FSTL5: variants seen among roughly 807,000 people sequenced by gnomAD.
The protein encoded by FSTL5 is follistatin like 5, also known as follistatin-related protein 5.
A neutral mutation model predicts 89.1 loss-of-function variants in FSTL5; 62 were observed. The ratio of observed to expected loss-of-function variants is 0.70; its 90% CI spans 0.57 to 0.86. The LOEUF (loss-of-function observed/expected upper bound fraction) is 0.86, where lower values mean the gene tolerates loss of function less well. FSTL5 is among the 40% of genes least tolerant of loss of function. The pLI is 0.00. For synonymous variants in FSTL5, 383 were observed against 346.2 expected (o/e 1.11, Z -1.18); for missense variants, 1,057 against 1,001.6 (o/e 1.06, Z -0.75).
intron 1 of FSTL5, among the ~76,000 whole-genome samples, chr4:162,129,597 A>AGCCTTTG (rs1732218628): frequency 1.3e-5 from 2 of 152,228 alleles, no homozygotes; most frequent in Non-Finnish European, 2.9e-5. Flanking sequence ...TAATGGTGAA[A>AGCCTTTG]CTTTCCAAAA....
At position 161,897,170 on chromosome 4, in the gene FSTL5, A is replaced by G. The variant is rs1467936731; in HGVS notation, c.409+23234T>C. 2.0e-5 allele frequency among the ~76,000 whole-genome samples: 3 copies of G among 151,768 alleles called. No homozygotes were observed. In the East Asian group the frequency reaches 5.8e-4, roughly 29 times the overall value. On this transcript the variant is annotated intron_variant, in intron 4 of 15. Coordinates refer to ENST00000306100, the MANE Select transcript of FSTL5 (RefSeq NM_020116.5). ...AATATTCAAAATTAAACTAGATCAT[A>G]CTGTTCATGAAATAAAAAATATTAT...
chr4:161,763,943 C>A (rs1159914934), intron 5 of FSTL5, among the ~76,000 whole-genome samples: 2 of 151,906 alleles, frequency 1.3e-5, no homozygotes, highest in Non-Finnish European at 2.9e-5. Flanking sequence ...TTCTTGTCTC[C>A]CCCCTTTCTT....
chr4:161,787,164 G>A (rs1431223735), intron 4 of FSTL5, among the ~76,000 whole-genome samples: 10 of 151,988 alleles, frequency 6.6e-5, no homozygotes, highest in Admixed American at 6.6e-4. Context: ...TATCTTCAGT[G>A]GATAAATATA....
intron 1 of FSTL5, among the ~76,000 whole-genome samples, chr4:162,159,410 A>G (rs1257371556): frequency 2.0e-5 from 3 of 152,096 alleles, no homozygotes; most frequent in Non-Finnish European, 1.5e-5. Flanking sequence ...GCAATGAACT[A>G]GTTATGAGTT....
intron 2 of FSTL5, among the ~76,000 whole-genome samples, chr4:162,039,816 CA>C (rs1737878740): frequency 6.6e-6 from 1 of 151,810 alleles, no homozygotes; most frequent in African/African-American, 2.4e-5. Flanking sequence ...CTGCAGTAGT[CA>C]AAAGTGATAT....
intron 4 of FSTL5, among the ~76,000 whole-genome samples, chr4:161,814,130 A>C (rs1730253343): frequency 6.6e-6 from 1 of 152,192 alleles, no homozygotes; most frequent in Admixed American, 6.5e-5. Flanking sequence ...GAAGGCATAA[A>C]TATGCAGGAA....
chr4:161,760,692 C>A lies in FSTL5; in HGVS notation c.607-1161G>T, dbSNP rs574608542. ...CATTGCTTCTTTAAATAATTCACTG[C>A]AGACTTCCAGACATCAGCTCGTGCA... On this transcript the variant is annotated intron_variant, in intron 5 of 15. Coordinates refer to ENST00000306100, the MANE Select transcript of FSTL5 (RefSeq NM_020116.5). Among the ~76,000 whole-genome samples the A allele has an allele frequency of 4.6e-5, 7 of 152,296 alleles. 1 individual carries two copies. The highest frequency in any genetic ancestry group is 1.9e-4 in the East Asian group (1 of 5,172).
chr4:161,603,330 T>C (rs899268652), intron 7 of FSTL5, among the ~76,000 whole-genome samples: 1 of 152,130 alleles, frequency 6.6e-6, no homozygotes, highest in Non-Finnish European at 1.5e-5. Context: ...AAGTGTGCAA[T>C]AGCATTACGT....
chr4:161,675,327 A>G (rs1303313013), intron 6 of FSTL5, among the ~76,000 whole-genome samples: 1 of 151,818 alleles, frequency 6.6e-6, no homozygotes, highest in East Asian at 1.9e-4. Flanking sequence ...ATTTTCTACT[A>G]ATAAATGCAT....
At chr4:161,726,989 T>A (rs1437864336) in intron 6 of FSTL5, among the ~76,000 whole-genome samples, 1 of 151,704 alleles carries the variant, frequency 6.6e-6, no homozygotes, top group Non-Finnish European at 1.5e-5. Flanking sequence ...AATAAGAAAG[T>A]ATAATTTCTA....
intron 5 of FSTL5, among the ~76,000 whole-genome samples, chr4:161,772,572 A>T (rs1741246588): frequency 6.6e-6 from 1 of 152,150 alleles, no homozygotes; most frequent in African/African-American, 2.4e-5. Context: ...CTGAGAATCA[A>T]ATCAAGAACT....
chr4:161,608,794 A>G (rs1421317555), intron 7 of FSTL5, among the ~76,000 whole-genome samples: 1 of 152,018 alleles, frequency 6.6e-6, no homozygotes, highest in Admixed American at 6.6e-5. Flanking sequence ...ATTAAAAAAC[A>G]TATTTGATGA....
At chr4:161,970,254 G>A (rs950786873) in intron 3 of FSTL5, among the ~76,000 whole-genome samples, 4 of 152,014 alleles carry the variant, frequency 2.6e-5, no homozygotes, top group African/African-American at 9.7e-5. Flanking sequence ...ATTTTAAAAC[G>A]CTAAGGATTT....
intron 4 of FSTL5, among the ~76,000 whole-genome samples, chr4:161,869,867 G>A (rs939854037): frequency 6.6e-6 from 1 of 152,158 alleles, no homozygotes; most frequent in Admixed American, 6.5e-5. Flanking sequence ...CTTAAATGCA[G>A]AAATCATATT....
chr4:162,027,685 T>G (rs926339199), intron 3 of FSTL5, among the ~76,000 whole-genome samples: 2 of 152,118 alleles, frequency 1.3e-5, no homozygotes, highest in Non-Finnish European at 2.9e-5. Flanking sequence ...TTTAATTGAT[T>G]TATTTGTCAA....
In FSTL5 at chr4:161,537,319, T is replaced by C. The variant is rs140120840; in HGVS notation, c.1312+847A>G. Among the ~76,000 whole-genome samples, 922 of 152,150 alleles carry C rather than the reference T, an allele frequency of 6.1e-3. 19 individuals are homozygous for C. Among genetic ancestry groups the C allele is most frequent in the Non-Finnish European group, 7.0e-3 (478 of 67,992 alleles). ...ATTAATAACAGCGTAACAAGTAGGATTGAAGAGCAGAGAACAAGGGGAGTA... is the reference window on the plus strand; with the variant it reads ...ATTAATAACAGCGTAACAAGTAGGACTGAAGAGCAGAGAACAAGGGGAGTA... On this transcript the variant is annotated intron_variant, in intron 10 of 15. Coordinates refer to ENST00000306100, the MANE Select transcript of FSTL5 (RefSeq NM_020116.5).
At chr4:162,100,389 A>C (rs1237945568) in intron 2 of FSTL5, among the ~76,000 whole-genome samples, 2 of 151,948 alleles carry the variant, frequency 1.3e-5, no homozygotes, top group East Asian at 1.9e-4. Flanking sequence ...TGAAACCCCA[A>C]CTCTACTAAA....
intron 4 of FSTL5, among the ~76,000 whole-genome samples, chr4:161,838,423 C>G (rs1731114059): frequency 6.6e-6 from 1 of 152,124 alleles, no homozygotes; most frequent in Non-Finnish European, 1.5e-5. Context: ...ACTGGGACTA[C>G]AGGCACCCAC....
chr4:161,965,929 CT>C (rs1375599699), intron 3 of FSTL5, among the ~76,000 whole-genome samples: 1 of 152,050 alleles, frequency 6.6e-6, no homozygotes, highest in African/African-American at 2.4e-5. Flanking sequence ...AGCTTATAAA[CT>C]TAAGGACTAT....
Sources: allele counts gnomAD v4.1 joint callset (sites outside exome capture counted in the v4.1 genomes callset), GRCh38; gene constraint gnomAD v4.1.1; transcripts MANE v1.5; gene names NCBI Gene and HGNC (gene_info 2026-07-23, HGNC 2026-07-21).